KLHL2: variants seen among roughly 807,000 people sequenced by gnomAD.
KLHL2 encodes kelch like family member 2, also known as kelch-like protein 2.
Under a neutral mutation model 75.8 loss-of-function variants are expected in KLHL2, and 15 were observed. The ratio of observed to expected loss-of-function variants is 0.20; its 90% CI spans 0.13 to 0.30. KLHL2 has a LOEUF of 0.30. Among genes scored for constraint, KLHL2 ranks in the 10% least tolerant of loss-of-function variants. KLHL2 has a pLI of 1.00. For synonymous variants in KLHL2, 214 were observed against 251.9 expected (o/e 0.85, Z 1.42); for missense variants, 381 against 741.0 (o/e 0.51, Z 5.64).
intron 6 of KLHL2, among the ~76,000 whole-genome samples, chr4:165,295,826 G>A (rs543250985): frequency 6.6e-6 from 1 of 152,258 alleles, no homozygotes; most frequent in East Asian, 1.9e-4. Context: ...GACATTGGTG[G>A]AAGATAAAAT....
rs898619993 is a variant in KLHL2, at chr4:165,303,253, C to T, written c.922-2355C>T. 5.3e-5 allele frequency among the ~76,000 whole-genome samples: 8 copies of T among 152,068 alleles called. No homozygotes were observed. In the East Asian group the frequency reaches 5.8e-4, roughly 11 times the overall value. On this transcript the variant is annotated intron_variant, in intron 8 of 14. Transcript: ENST00000226725. ...TTTAATGTGTAAAAGTGAACTATTG[C>T]GTGGAAATAGAAATCTTATATTCAA...
intron 4 of KLHL2, among the ~76,000 whole-genome samples, chr4:165,239,837 G>GT (rs2111107415): frequency 6.6e-6 from 1 of 152,188 alleles, no homozygotes; most frequent in African/African-American, 2.4e-5. Context: ...CCTTCAGACT[G>GT]TTTTCCATGC....
At chr4:165,315,147 C>T (rs556274270) in intron 13 of KLHL2, among the ~76,000 whole-genome samples, 13 of 152,116 alleles carry the variant, frequency 8.5e-5, no homozygotes, top group Non-Finnish European at 1.8e-4. Flanking sequence ...CTCCAGTATA[C>T]ATTAAGTTAG....
chr4:165,233,967 A>G (rs1380298853), intron 3 of KLHL2, among the ~76,000 whole-genome samples: 2 of 152,288 alleles, frequency 1.3e-5, no homozygotes, highest in Admixed American at 6.5e-5. Flanking sequence ...CTACCCTTCT[A>G]TCCTCAATAA....
intron 1 of KLHL2, among the ~76,000 whole-genome samples, chr4:165,215,104 A>G (rs1489424213): frequency 6.6e-6 from 1 of 152,172 alleles, no homozygotes; most frequent in Non-Finnish European, 1.5e-5. Flanking sequence ...TTCCATACCT[A>G]ATAAAAGTTT....
intron 8 of KLHL2, 78 bp from the exon 9 acceptor site, chr4:165,305,530 C>T (rs939118774): frequency 1.9e-5 from 22 of 1,142,294 alleles, no homozygotes; most frequent in Non-Finnish European, 2.5e-5. Flanking sequence ...CTTCCCACAC[C>T]AGTGTCTTTG....
rs562740310 is a variant in KLHL2, at chr4:165,276,391, TC to T, written c.544+13037del. Among the ~76,000 whole-genome samples the T allele has an allele frequency of 6.3e-4, 96 of 152,186 alleles. 1 individual carries two copies. The East Asian group carries it at 0.017, about 27-fold the overall frequency. ...TTTGTCATAAATGAAACTTTGTGTTTCCCCCAAACCTGTATGTCGTGAGCAG... is the reference window on the plus strand; with the variant it reads ...TTTGTCATAAATGAAACTTTGTGTTTCCCCAAACCTGTATGTCGTGAGCAG... On this transcript the variant is annotated intron_variant, in intron 5 of 14. Coordinates refer to ENST00000226725, the MANE Select transcript of KLHL2 (RefSeq NM_007246.4).
intron 11 of KLHL2, 57 bp downstream of exon 11, chr4:165,311,622 C>T (rs1746192708): frequency 8.1e-7 from 1 of 1,231,604 alleles, no homozygotes; most frequent in Non-Finnish European, 1.2e-6. Context: ...GAGAGTGGTT[C>T]TTCCAGTAAT....
intron 5 of KLHL2, chr4:165,278,406 C>T (rs1297488082): frequency 3.6e-6 from 5 of 1,383,670 alleles, no homozygotes; most frequent in African/African-American, 1.4e-5. Flanking sequence ...ATTCCACAGT[C>T]TCGATTCATG....
intron 1 of KLHL2, among the ~76,000 whole-genome samples, chr4:165,218,313 C>T (rs1206824072): frequency 6.6e-6 from 1 of 152,094 alleles, no homozygotes; most frequent in Non-Finnish European, 1.5e-5. Context: ...ATCTGCACTC[C>T]CCTCTCCTGC....
chr4:165,276,349 T>C (rs1419162608), intron 5 of KLHL2, among the ~76,000 whole-genome samples: 1 of 152,314 alleles, frequency 6.6e-6, no homozygotes, highest in African/African-American at 2.4e-5. Context: ...AGTATTTTCA[T>C]GTGTGTCCCC....
At chr4:165,241,864 A>C (rs1424852683) in intron 4 of KLHL2, among the ~76,000 whole-genome samples, 1 of 152,216 alleles carries the variant, frequency 6.6e-6, no homozygotes. Context: ...AGTCAGAATG[A>C]GGGAATGAGT....
At chr4:165,295,318 G>T (rs1260437101) in intron 6 of KLHL2, among the ~76,000 whole-genome samples, 1 of 152,128 alleles carries the variant, frequency 6.6e-6, no homozygotes, top group Non-Finnish European at 1.5e-5. Context: ...TTCACCTGGG[G>T]TTAAAGACAC....
chr4:165,315,848 T>G (rs1162463391), intron 13 of KLHL2, among the ~76,000 whole-genome samples: 1 of 152,164 alleles, frequency 6.6e-6, no homozygotes, highest in Non-Finnish European at 1.5e-5. Flanking sequence ...TCCATATAAA[T>G]TTGAAATAGC....
intron 4 of KLHL2, among the ~76,000 whole-genome samples, chr4:165,261,318 C>T (rs906753108): frequency 1.1e-4 from 16 of 152,010 alleles, no homozygotes; most frequent in Non-Finnish European, 4.4e-5. Context: ...TTGGCTGTAA[C>T]GTTATTTATA....
chr4:165,303,810 C>T lies in KLHL2; in HGVS notation c.922-1798C>T, dbSNP rs533093726. Among the ~76,000 whole-genome samples the T allele has an allele frequency of 7.9e-5, 12 of 152,168 alleles. No individual in the cohort carries two copies. The East Asian group carries it at 1.2e-3, about 15-fold the overall frequency. On this transcript the variant is annotated intron_variant, in intron 8 of 14. Coordinates refer to ENST00000226725, the MANE Select transcript of KLHL2 (RefSeq NM_007246.4). Reference sequence around the variant, plus strand: ...ACTCCTGATCTCAAAGCGATCCAACCGCACTGGCCTCCCAAAGTGCTGGGA... The same window carrying T: ...ACTCCTGATCTCAAAGCGATCCAACTGCACTGGCCTCCCAAAGTGCTGGGA...
chr4:165,211,178 GA>G (rs1380426085), intron 1 of KLHL2, among the ~76,000 whole-genome samples: 2 of 151,828 alleles, frequency 1.3e-5, no homozygotes, highest in Non-Finnish European at 2.9e-5. Flanking sequence ...ATTAAAAAAA[GA>G]AAAAAACAAT....
intron 1 of KLHL2, chr4:165,219,670 A>G (rs1737831003): frequency 1.7e-6 from 2 of 1,207,200 alleles, no homozygotes; most frequent in African/African-American, 1.6e-5. Context: ...CTGCTAAGCC[A>G]CTTCTGCTGA....
At chr4:165,263,568 G>T (rs1242786418) in intron 5 of KLHL2, among the ~76,000 whole-genome samples, 1 of 151,516 alleles carries the variant, frequency 6.6e-6, no homozygotes, top group Non-Finnish European at 1.5e-5. Context: ...TTGGGATTGG[G>T]CCTGAATAAT....
Sources: allele counts gnomAD v4.1 joint callset (sites outside exome capture counted in the v4.1 genomes callset), GRCh38; gene constraint gnomAD v4.1.1; transcripts MANE v1.5; gene names NCBI Gene and HGNC (gene_info 2026-07-23, HGNC 2026-07-21).